SNX29: variants seen among roughly 807,000 people sequenced by gnomAD.
The protein encoded by SNX29 is sorting nexin-29.
In SNX29, 78 loss-of-function variants were observed where a neutral mutation model predicts 102.1. That is an observed-to-expected ratio of 0.76 (90% CI 0.64 to 0.92). The LOEUF is 0.92. Among genes scored for constraint, SNX29 ranks in the 40% least tolerant of loss-of-function variants. The probability of loss-of-function intolerance (pLI) is 0.00; values close to 1 mark genes in which losing one functional copy is unlikely to be tolerated. For synonymous variants in SNX29, 580 were observed against 414.5 expected (o/e 1.40, Z -4.85); for missense variants, 1,280 against 1,061.7 (o/e 1.21, Z -2.86).
At chr16:12,523,051 A>T (rs894622153) in intron 19 of SNX29, among the ~76,000 whole-genome samples, 3 of 152,126 alleles carry the variant, frequency 2.0e-5, no homozygotes, top group Non-Finnish European at 4.4e-5. Flanking sequence ...GGCTCAAGCG[A>T]TGCTCCTGCC....
chr16:12,352,817 A>T (rs1452597657), intron 15 of SNX29, among the ~76,000 whole-genome samples: 1 of 152,102 alleles, frequency 6.6e-6, no homozygotes, highest in African/African-American at 2.4e-5. Context: ...TTTACTTTTG[A>T]TTTGTCACTG....
intron 20 of SNX29, among the ~76,000 whole-genome samples, chr16:12,536,958 A>G (rs2077103767): frequency 6.6e-6 from 1 of 152,052 alleles, no homozygotes; most frequent in Admixed American, 6.6e-5. Flanking sequence ...CCTAGGCGAC[A>G]GAGTGAGAGA....
chr16:12,110,601 G>C (rs182279340), intron 11 of SNX29, among the ~76,000 whole-genome samples: 4 of 152,242 alleles, frequency 2.6e-5, no homozygotes, highest in Admixed American at 2.6e-4. Context: ...AGGCTTAGTG[G>C]TTGGGCTTGC....
intron 13 of SNX29, among the ~76,000 whole-genome samples, chr16:12,186,545 C>T (rs73521826): frequency 0.06 from 9,189 of 152,178 alleles, 916 homozygotes; most frequent in African/African-American, 0.21. Flanking sequence ...AGTATTATGA[C>T]GTGATATTTA....
At chr16:12,410,767 C>G (rs573205580) in intron 18 of SNX29, among the ~76,000 whole-genome samples, 101 of 152,146 alleles carry the variant, frequency 6.6e-4, no homozygotes, top group Non-Finnish European at 1.1e-3. Flanking sequence ...TCCAGCTAAG[C>G]ATATTTATAT....
Position 12,549,829 on chromosome 16 carries a change from C to A in SNX29, c.2319-18677C>A, listed in dbSNP as rs979782483. Among the ~76,000 whole-genome samples, 6 of 152,356 alleles carry A rather than the reference C, an allele frequency of 3.9e-5. No individual in the cohort carries two copies. The South Asian group carries it at 1.0e-3, about 26-fold the overall frequency. ...GCTTCTGTGCCCTGTGTGGCCAGGC[C>A]TTGCCTCCTTGGCCGCATGACTGTG... is the stretch of plus-strand genomic sequence containing the variant. On this transcript the variant is annotated intron_variant, in intron 20 of 20. Coordinates refer to ENST00000566228, the MANE Select transcript of SNX29 (RefSeq NM_032167.5).
intron 14 of SNX29, among the ~76,000 whole-genome samples, chr16:12,201,711 C>G (rs756925967): frequency 1.3e-5 from 2 of 152,188 alleles, no homozygotes; most frequent in Non-Finnish European, 2.9e-5. Flanking sequence ...TAATGTGACT[C>G]TAATGCAGGT....
chr16:12,449,184 A>G (rs2086193261), intron 18 of SNX29, among the ~76,000 whole-genome samples: 1 of 152,044 alleles, frequency 6.6e-6, no homozygotes, highest in South Asian at 2.1e-4. Context: ...AGGAATAGTG[A>G]TAGACCTTGG....
intron 11 of SNX29, among the ~76,000 whole-genome samples, chr16:12,108,584 T>A (rs914744816): frequency 2.0e-5 from 3 of 152,154 alleles, no homozygotes; most frequent in Admixed American, 6.5e-5. Context: ...TGCGGGAACC[T>A]CCATAGCCTG....
intron 13 of SNX29, among the ~76,000 whole-genome samples, chr16:12,134,713 G>A (rs1432750093): frequency 2.6e-5 from 4 of 152,198 alleles, no homozygotes; most frequent in African/African-American, 7.2e-5. Flanking sequence ...ACACAGTGGT[G>A]TGACTAGCAG....
At chr16:12,498,548 C>A (rs1357036145) in intron 19 of SNX29, among the ~76,000 whole-genome samples, 1 of 152,174 alleles carries the variant, frequency 6.6e-6, no homozygotes, top group Admixed American at 6.5e-5. Flanking sequence ...CTTTCATGAG[C>A]ACCTACTATG....
At chr16:12,158,375 T>C (rs2055643654) in intron 13 of SNX29, among the ~76,000 whole-genome samples, 1 of 152,036 alleles carries the variant, frequency 6.6e-6, no homozygotes, top group African/African-American at 2.4e-5. Flanking sequence ...AATTTTTGTA[T>C]TTTTAGTAGA....
In SNX29 at chr16:12,569,904, G is replaced by T. The variant is rs531700356; in HGVS notation, c.*1275G>T. On this transcript the variant is annotated 3_prime_UTR_variant, in exon 21 of 21. Transcript: ENST00000566228. Reference sequence around the variant, plus strand: ...TTTGTGTGTTTCGCCTTAATCTGAGGCAGAGACACAGCAGAACCTGAGGAG... The same window carrying T: ...TTTGTGTGTTTCGCCTTAATCTGAGTCAGAGACACAGCAGAACCTGAGGAG... 8.6e-6 allele frequency: 2 copies of T among 231,994 alleles called. No individual in the cohort carries two copies. Among genetic ancestry groups the T allele is most frequent in the South Asian group, 3.6e-4 (2 of 5,520 alleles). 14.4% of individuals were successfully genotyped at this position (231,994 alleles called of 1,614,324 possible).
chr16:12,384,110 C>T (rs910237121), intron 16 of SNX29, among the ~76,000 whole-genome samples: 1 of 152,068 alleles, frequency 6.6e-6, no homozygotes, highest in Non-Finnish European at 1.5e-5. Flanking sequence ...TTTTCTATAC[C>T]CATTCATCTG....
intron 8 of SNX29, among the ~76,000 whole-genome samples, chr16:12,053,750 T>C (rs1244693618): frequency 6.6e-6 from 1 of 151,964 alleles, no homozygotes; most frequent in Non-Finnish European, 1.5e-5. Flanking sequence ...CTTGTACTAG[T>C]AGTGTTACCT....
intron 20 of SNX29, among the ~76,000 whole-genome samples, chr16:12,562,132 A>G (rs1027073086): frequency 7.2e-5 from 11 of 152,098 alleles, no homozygotes; most frequent in African/African-American, 2.7e-4. Flanking sequence ...TGACCCCAAA[A>G]TGGCTCTGGC....
intron 6 of SNX29, 90 bp from the exon 7 acceptor site, chr16:12,048,282 C>G: frequency 6.3e-7 from 1 of 1,585,634 alleles, no homozygotes; most frequent in Non-Finnish European, 8.7e-7. Flanking sequence ...GCCTCCTCTT[C>G]TGTACTCTGT....
chr16:12,563,418 G>C lies in SNX29; in HGVS notation c.2319-5088G>C, dbSNP rs78457181. On this transcript the variant is annotated intron_variant, in intron 20 of 20. Coordinates refer to ENST00000566228, the MANE Select transcript of SNX29 (RefSeq NM_032167.5). Reference sequence around the variant, plus strand: ...TGAAAATAGATGGCGACTGGATTTTGTTCCTTGCGGTATGTCCTTTGCAGG... The same window carrying C: ...TGAAAATAGATGGCGACTGGATTTTCTTCCTTGCGGTATGTCCTTTGCAGG... Among the ~76,000 whole-genome samples, 1,692 of 152,308 alleles carry C rather than the reference G, an allele frequency of 0.011. 68 individuals are homozygous for C. In the East Asian group the frequency reaches 0.13, roughly 11 times the overall value.
At chr16:12,302,449 T>C (rs999658422) in intron 15 of SNX29, among the ~76,000 whole-genome samples, 8 of 152,236 alleles carry the variant, frequency 5.3e-5, no homozygotes, top group Non-Finnish European at 2.9e-5. Context: ...CAAAAATGTA[T>C]TTCTCACAGT....
Sources: allele counts gnomAD v4.1 joint callset (sites outside exome capture counted in the v4.1 genomes callset), GRCh38; gene constraint gnomAD v4.1.1; transcripts MANE v1.5; gene names NCBI Gene and HGNC (gene_info 2026-07-23, HGNC 2026-07-21).